Variants in FOXP2 observed in about 807,000 individuals in gnomAD.
FOXP2 encodes forkhead box protein P2.
FOXP2 carries 12 observed loss-of-function variants against 115.8 expected under a neutral mutation model. That is an observed-to-expected ratio of 0.10 (90% CI 0.07 to 0.17). The LOEUF (loss-of-function observed/expected upper bound fraction) is 0.17. Among genes scored for constraint, FOXP2 ranks in the 10% least tolerant of loss-of-function variants. The pLI is 1.00. For missense variants in FOXP2, 629 were observed against 843.5 expected, an observed-to-expected ratio of 0.75 and a Z score of 3.15; for synonymous variants, 328 against 297.7, an observed-to-expected ratio of 1.10 and a Z score of -1.05.
chr7:114,232,491 C>T (rs184065787), intron 1 of FOXP2, among the ~76,000 whole-genome samples: 25 of 152,144 alleles, frequency 1.6e-4, no homozygotes, highest in Non-Finnish European at 3.4e-4. Flanking sequence ...GAATGGATAA[C>T]GAAATTATGG....
chr7:114,622,053 T>C (rs1219676262), intron 3 of FOXP2, among the ~76,000 whole-genome samples: 1 of 152,028 alleles, frequency 6.6e-6, no homozygotes, highest in African/African-American at 2.4e-5. Context: ...CTCTGTTTCA[T>C]ACATTTGTGT....
chr7:114,145,589 C>G (rs1031273788), intron 1 of FOXP2, among the ~76,000 whole-genome samples: 9 of 151,266 alleles, frequency 5.9e-5, no homozygotes, highest in Non-Finnish European at 2.9e-5. Context: ...CCGGGTTCAA[C>G]TGATTCTCCT....
At chr7:114,367,619 A>G (rs1791912223) in intron 2 of FOXP2, among the ~76,000 whole-genome samples, 1 of 152,190 alleles carries the variant, frequency 6.6e-6, no homozygotes, top group Non-Finnish European at 1.5e-5. Flanking sequence ...ACTCTGAACT[A>G]TCATAGGTAC....
chr7:114,315,117 G>A (rs1797243823), intron 2 of FOXP2, among the ~76,000 whole-genome samples: 1 of 152,128 alleles, frequency 6.6e-6, no homozygotes. Flanking sequence ...CACTGTCTTT[G>A]TGTTGGCTTT....
intron 1 of FOXP2, among the ~76,000 whole-genome samples, chr7:114,203,654 A>T (rs954096461): frequency 6.6e-6 from 1 of 152,050 alleles, no homozygotes; most frequent in Non-Finnish European, 1.5e-5. Flanking sequence ...GCACCTGGCA[A>T]CACCTTTTGA....
intron 1 of FOXP2, among the ~76,000 whole-genome samples, chr7:114,198,108 C>T (rs1019699746): frequency 6.6e-6 from 1 of 152,104 alleles, no homozygotes; most frequent in Admixed American, 6.5e-5. Context: ...CAGTGATCCG[C>T]CCATGTCAGC....
chr7:114,477,317 C>T (rs904511012), intron 2 of FOXP2, among the ~76,000 whole-genome samples: 12 of 151,850 alleles, frequency 7.9e-5, no homozygotes, highest in South Asian at 2.1e-4. Flanking sequence ...TCATGAAATA[C>T]GACACAGCCA....
intron 8 of FOXP2, among the ~76,000 whole-genome samples, chr7:114,647,718 T>C (rs1805993239): frequency 6.6e-6 from 1 of 152,038 alleles, no homozygotes. Context: ...CAAAGAGTAA[T>C]AACATCTGAC....
At chr7:114,399,667 G>A (rs1215095271) in intron 2 of FOXP2, among the ~76,000 whole-genome samples, 1 of 151,822 alleles carries the variant, frequency 6.6e-6, no homozygotes, top group Non-Finnish European at 1.5e-5. Flanking sequence ...CCTGACTCTT[G>A]GGGTTTATAC....
intron 2 of FOXP2, among the ~76,000 whole-genome samples, chr7:114,358,535 A>T (rs565394965): frequency 3.5e-4 from 53 of 152,292 alleles, no homozygotes; most frequent in African/African-American, 1.1e-3. Context: ...GGCTCAGAAG[A>T]CAGGGAAAGT....
intron 3 of FOXP2, among the ~76,000 whole-genome samples, chr7:114,577,704 A>G (rs916025400): frequency 2.0e-5 from 3 of 151,930 alleles, no homozygotes; most frequent in African/African-American, 7.2e-5. Context: ...TCTCCTCTTC[A>G]GATACAGAAT....
chr7:114,652,148 T>C, intron 8 of FOXP2, 55 bp from the exon 9 acceptor site: 3 of 1,527,764 alleles, frequency 2.0e-6, no homozygotes, highest in Non-Finnish European at 2.7e-6. Context: ...GTGTAGCCTA[T>C]GCCACTAAGA....
At chr7:114,417,638 G>A (rs1793407554) in intron 1 of FOXP2, among the ~76,000 whole-genome samples, 1 of 151,864 alleles carries the variant, frequency 6.6e-6, no homozygotes, top group South Asian at 2.1e-4. Context: ...TTCCACCTCT[G>A]TTCACACCAG....
intron 2 of FOXP2, among the ~76,000 whole-genome samples, chr7:114,428,418 C>T (rs1475667292): frequency 2.2e-4 from 33 of 151,350 alleles, no homozygotes; most frequent in Admixed American, 2.1e-3. Context: ...CTATGCAGTT[C>T]ATTATGTAAA....
intron 1 of FOXP2, among the ~76,000 whole-genome samples, chr7:114,093,852 G>T (rs1440372301): frequency 1.3e-5 from 2 of 151,756 alleles, no homozygotes; most frequent in African/African-American, 4.8e-5. Context: ...TTGTGGTTTT[G>T]GACAACAAAC....
chr7:114,254,080 G>C (rs1202090096), intron 1 of FOXP2, among the ~76,000 whole-genome samples: 3 of 152,090 alleles, frequency 2.0e-5, no homozygotes, highest in Non-Finnish European at 2.9e-5. Flanking sequence ...ATGAAATTCT[G>C]GGTTGAAAAT....
intron 2 of FOXP2, among the ~76,000 whole-genome samples, chr7:114,304,669 C>CAAAAAAAA (rs71157580): frequency 1.2e-3 from 81 of 65,132 alleles, no homozygotes; most frequent in Non-Finnish European, 1.7e-3. Flanking sequence ...GACTCTGTCT[C>CAAAAAAAA]AAAAAAAAAA....
At chr7:114,578,906 G>A (rs1801703891) in intron 3 of FOXP2, among the ~76,000 whole-genome samples, 1 of 152,152 alleles carries the variant, frequency 6.6e-6, no homozygotes, top group Admixed American at 6.5e-5. Context: ...TCTTTTATTA[G>A]GACTTCAGCT....
Position 114,570,750 on chromosome 7 carries a change from G to C in FOXP2, c.258+36044G>C. On this transcript the variant is annotated intron_variant, in intron 3 of 16. Transcript: ENST00000350908. ...TTAAAAATGATAATGTACGTTATTAGCACAAGCCTTAAGATTGAAAAAAAA... is the reference window on the plus strand; with the variant it reads ...TTAAAAATGATAATGTACGTTATTACCACAAGCCTTAAGATTGAAAAAAAA... The C allele has an allele frequency of 3.9e-6, 5 of 1,283,914 alleles. No homozygotes were observed. The South Asian group carries it at 5.9e-5, about 15-fold the overall frequency. 79.5% of individuals were successfully genotyped at this position (1,283,914 alleles called of 1,614,324 possible). A position where few individuals can be genotyped will look rare whatever the true frequency, so the allele number is the denominator to read the frequency against.
Sources: gnomAD v4.1 joint callset for allele counts (sites outside exome capture counted in the v4.1 genomes callset) on GRCh38, gnomAD v4.1.1 for gene constraint, MANE v1.5 for transcripts, NCBI Gene and HGNC (gene_info 2026-07-23, HGNC 2026-07-21) for gene names.